The following SLC24A4 variants were observed in gnomAD, a reference collection of about 807,000 sequenced individuals.
SLC24A4 encodes the protein sodium/potassium/calcium exchanger 4.
A neutral mutation model predicts 79.0 loss-of-function variants in SLC24A4; 53 were observed. The ratio of observed to expected loss-of-function variants is 0.67; its 90% CI spans 0.54 to 0.84. SLC24A4 has a LOEUF of 0.84. Among genes scored for constraint, SLC24A4 ranks in the 40% least tolerant of loss-of-function variants. The pLI, the probability that SLC24A4 is intolerant of heterozygous loss-of-function variation, is 0.00. For synonymous variants in SLC24A4, 323 were observed against 323.8 expected (o/e 1.00, Z 0.03); for missense variants, 731 against 822.0 (o/e 0.89, Z 1.35).
chr14:92,419,978 T>G (rs531869162), intron 2 of SLC24A4, among the ~76,000 whole-genome samples: 39 of 152,222 alleles, frequency 2.6e-4, no homozygotes, highest in Non-Finnish European at 4.9e-4. Context: ...AAAGTCCACG[T>G]GAAGACACAG....
intron 8 of SLC24A4, among the ~76,000 whole-genome samples, chr14:92,446,825 G>C (rs1191392201): frequency 2.0e-5 from 3 of 152,224 alleles, no homozygotes. Flanking sequence ...ATGCACCAGA[G>C]GGTAGTAATG....
chr14:92,474,863 A>ATATATATATATATATTT (rs36185636), intron 12 of SLC24A4, among the ~76,000 whole-genome samples: 44 of 57,110 alleles, frequency 7.7e-4, no homozygotes, highest in Middle Eastern at 7.6e-3. Flanking sequence ...ATATATATAT[A>ATATATATATATATATTT]TTTTTTTTTT....
intron 16 of SLC24A4, among the ~76,000 whole-genome samples, 199 bp downstream of exon 16, chr14:92,492,439 T>C (rs1376101919): frequency 2.6e-5 from 4 of 152,216 alleles, no homozygotes; most frequent in Non-Finnish European, 5.9e-5. Context: ...GTGCTTTTGC[T>C]GAGTACATAA....
chr14:92,420,254 G>C (rs554684153), intron 2 of SLC24A4, among the ~76,000 whole-genome samples: 2 of 152,358 alleles, frequency 1.3e-5, no homozygotes, highest in Admixed American at 6.5e-5. Context: ...GGCCAAGGCA[G>C]GTGGATCATG....
At chr14:92,361,436 A>G (rs1347098265) in intron 2 of SLC24A4, among the ~76,000 whole-genome samples, 1 of 152,072 alleles carries the variant, frequency 6.6e-6, no homozygotes, top group Non-Finnish European at 1.5e-5. Context: ...TCTCAGTGAC[A>G]TGAATTTCTG....
chr14:92,355,292 G>C lies in SLC24A4; in HGVS notation c.241+29314G>C, dbSNP rs541622474. Among the ~76,000 whole-genome samples, 223 of 152,254 alleles carry C rather than the reference G, an allele frequency of 1.5e-3. 1 individual carries two copies. The highest frequency in any genetic ancestry group is 2.7e-3 in the Admixed American group (42 of 15,288). The stretch of plus-strand genomic sequence containing the variant: ...ACAAGGAGGTGAGTGTGGCTGGAGC[G>C]GGGTGGGGGCAGTAGGAGAGTAGCC... On this transcript the variant is annotated intron_variant, in intron 2 of 16. Transcript: ENST00000532405.
At chr14:92,346,676 G>A (rs1886551237) in intron 2 of SLC24A4, among the ~76,000 whole-genome samples, 1 of 152,220 alleles carries the variant, frequency 6.6e-6, no homozygotes, top group African/African-American at 2.4e-5. Context: ...GCAAATCAGT[G>A]TTTTGAACTA....
intron 7 of SLC24A4, 100 bp from the exon 8 acceptor site, chr14:92,445,217 C>T (rs1892731383): frequency 8.0e-7 from 1 of 1,256,252 alleles, no homozygotes. Flanking sequence ...TATAACAAGG[C>T]CAGTATAAAT....
chr14:92,468,269 CAAAT>C (rs1894230455), intron 12 of SLC24A4, among the ~76,000 whole-genome samples: 1 of 152,156 alleles, frequency 6.6e-6, no homozygotes, highest in South Asian at 2.1e-4. Context: ...TAAAGACAAT[CAAAT>C]AAATGGAAAG....
intron 2 of SLC24A4, among the ~76,000 whole-genome samples, chr14:92,339,713 G>C (rs142523627): frequency 6.6e-6 from 1 of 152,326 alleles, no homozygotes; most frequent in East Asian, 1.9e-4. Context: ...AGACCTTTGA[G>C]CTCTTTTGCA....
At chr14:92,421,019 T>C (rs1000200979) in intron 2 of SLC24A4, among the ~76,000 whole-genome samples, 1 of 152,078 alleles carries the variant, frequency 6.6e-6, no homozygotes, top group African/African-American at 2.4e-5. Context: ...GGAGATGAGC[T>C]CACCTTCAAG....
chr14:92,347,550 T>C (rs1411204672), intron 2 of SLC24A4, among the ~76,000 whole-genome samples: 1 of 152,238 alleles, frequency 6.6e-6, no homozygotes, highest in Non-Finnish European at 1.5e-5. Flanking sequence ...TCCATTCCCA[T>C]CTTACTGTTA....
At chr14:92,341,011 C>T (rs1886110949) in intron 2 of SLC24A4, among the ~76,000 whole-genome samples, 1 of 152,180 alleles carries the variant, frequency 6.6e-6, no homozygotes, top group Non-Finnish European at 1.5e-5. Context: ...TAGAGTCATC[C>T]TGGTTTCCTT....
chr14:92,448,775 A>G (rs1892961171), intron 9 of SLC24A4, among the ~76,000 whole-genome samples: 1 of 152,168 alleles, frequency 6.6e-6, no homozygotes, highest in Non-Finnish European at 1.5e-5. Flanking sequence ...AGCTTCCTTT[A>G]TTAGGACAGG....
chr14:92,446,912 T>C, intron 8 of SLC24A4, among the ~76,000 whole-genome samples: 1 of 152,170 alleles, frequency 6.6e-6, no homozygotes, highest in East Asian at 1.9e-4. Flanking sequence ...TGCCGCATAT[T>C]CAGTCAGCTC....
Position 92,498,479 on chromosome 14 carries a change from A to T in SLC24A4, c.*4851A>T, listed in dbSNP as rs1896012280. 1 of 149,226 alleles carries T rather than the reference A, an allele frequency of 6.7e-6. No homozygotes were observed. Among genetic ancestry groups the T allele is most frequent in the Admixed American group, 6.7e-5 (1 of 14,894 alleles). The allele number at this position is 149,226 out of a possible 1,614,324, so 9.2% of individuals were successfully genotyped here. ...GCTGTTCCCCAAAGGGCATATCCACAGGGTACAGGTTTTAAAAAGGCTTTT... is the reference window on the plus strand; with the variant it reads ...GCTGTTCCCCAAAGGGCATATCCACTGGGTACAGGTTTTAAAAAGGCTTTT... On this transcript the variant is annotated 3_prime_UTR_variant, in exon 17 of 17. Transcript: ENST00000532405.
chr14:92,420,490 A>ATT (rs1891218676), intron 2 of SLC24A4, among the ~76,000 whole-genome samples: 1 of 152,138 alleles, frequency 6.6e-6, no homozygotes, highest in Non-Finnish European at 1.5e-5. Context: ...AAAAAAAAAA[A>ATT]TCTGTTGTTT....
Position 92,491,614 on chromosome 14 carries a change from G to A in SLC24A4, c.1538-51G>A, listed in dbSNP as rs1312894006. 2.4e-6 allele frequency: 3 copies of A among 1,245,212 alleles called. No homozygotes were observed. In the East Asian group the frequency reaches 7.0e-5, roughly 29 times the overall value. The allele number at this position is 1,245,212 out of a possible 1,614,324, so 77.1% of individuals were successfully genotyped here. ...TAGAACAGTTAGGAGAAAGAATACAGGCTTCTGGTGACCTGCTCTTATAAA... is the reference window on the plus strand; with the variant it reads ...TAGAACAGTTAGGAGAAAGAATACAAGCTTCTGGTGACCTGCTCTTATAAA... On this transcript the variant is annotated intron_variant, in intron 14 of 16. Coordinates refer to ENST00000532405, the MANE Select transcript of SLC24A4 (RefSeq NM_153646.4).
chr14:92,442,043 T>A, intron 4 of SLC24A4, 46 bp from the exon 5 acceptor site: 1 of 1,472,774 alleles, frequency 6.8e-7, no homozygotes, highest in Non-Finnish European at 9.5e-7. Flanking sequence ...TGATGTCCAG[T>A]ACCCCCACGT....
Sources: gnomAD v4.1 joint callset for allele counts (sites outside exome capture counted in the v4.1 genomes callset) on GRCh38, gnomAD v4.1.1 for gene constraint, MANE v1.5 for transcripts, NCBI Gene and HGNC (gene_info 2026-07-23, HGNC 2026-07-21) for gene names.